Variants in TGFBRAP1 observed in about 807,000 individuals in gnomAD.
TGFBRAP1 encodes the protein transforming growth factor-beta receptor-associated protein 1.
In TGFBRAP1, 20 loss-of-function variants were observed where a neutral mutation model predicts 83.2. The ratio of observed to expected loss-of-function variants is 0.24; its 90% CI spans 0.17 to 0.35. TGFBRAP1 has a LOEUF of 0.35. Among genes scored for constraint, TGFBRAP1 ranks in the 10% least tolerant of loss-of-function variants. The pLI, the probability that TGFBRAP1 is intolerant of heterozygous loss-of-function variation, is 1.00. For missense variants in TGFBRAP1, 950 were observed against 1,099.4 expected (o/e 0.86, Z 1.92); for synonymous variants, 415 against 459.8 (o/e 0.90, Z 1.25).
Position 105,284,455 on chromosome 2 carries a change from T to C in TGFBRAP1, c.1039-57A>G, listed in dbSNP as rs1573177064. 28 of 1,541,642 alleles carry C rather than the reference T, an allele frequency of 1.8e-5. No individual in the cohort carries two copies. In the South Asian group the frequency reaches 3.1e-4, roughly 17 times the overall value. ...GAATCTTGAAACCATCACGGCAGGG[T>C]TAAATTTGTCTAACCCTAGATAAGT... On this transcript the variant is annotated intron_variant, in intron 4 of 11. Coordinates refer to ENST00000393359, the MANE Select transcript of TGFBRAP1 (RefSeq NM_004257.6).
chr2:105,317,044 G>C (rs920682014), intron 1 of TGFBRAP1, among the ~76,000 whole-genome samples: 3 of 150,658 alleles, frequency 2.0e-5, no homozygotes, highest in African/African-American at 7.5e-5. Context: ...TACATGTGGG[G>C]CATATACCGT....
chr2:105,256,526 G>A, the TGFBRAP1 span, among the ~76,000 whole-genome samples: 12 of 152,266 alleles, frequency 7.9e-5, no homozygotes, highest in African/African-American at 2.2e-4. Context: ...CAATGTAAAC[G>A]TCTAAAGAGA....
At chr2:105,316,462 T>TGTGTGTGTGTGTGTGTGCGCGCGCGCGC (rs1177329674) in intron 1 of TGFBRAP1, among the ~76,000 whole-genome samples, 1 of 84,816 alleles carries the variant, frequency 1.2e-5, no homozygotes, top group African/African-American at 5.4e-5. Context: ...TGTGTGTGTG[T>TGTGTGTGTGTGTGTGTGCGCGCGCGCGC]GCGCGCGCGC....
intron 1 of TGFBRAP1, chr2:105,327,105 C>T (rs1487068690): frequency 6.6e-6 from 1 of 152,146 alleles, no homozygotes; most frequent in Non-Finnish European, 1.5e-5. Flanking sequence ...CTAATGAGGG[C>T]TGGATTCAGA....
intron 4 of TGFBRAP1, 138 bp from the exon 5 acceptor site, chr2:105,284,536 A>G (rs1677649570): frequency 5.8e-6 from 4 of 688,304 alleles, no homozygotes; most frequent in Non-Finnish European, 7.5e-6. Context: ...CAAGGTGCAT[A>G]TGAAATTATA....
At chr2:105,256,484 T>C in the TGFBRAP1 span, among the ~76,000 whole-genome samples, 1 of 152,220 alleles carries the variant, frequency 6.6e-6, no homozygotes, top group Admixed American at 6.5e-5. Flanking sequence ...CCCACTCTGT[T>C]GTAACTGTCC....
intron 1 of TGFBRAP1, among the ~76,000 whole-genome samples, chr2:105,309,295 A>G (rs563384841): frequency 6.6e-6 from 1 of 152,348 alleles, no homozygotes; most frequent in East Asian, 1.9e-4. Flanking sequence ...ACTGCAGAGA[A>G]TGACGGGAGC....
rs1051230951 is a variant in TGFBRAP1 at position 105,267,050 on chromosome 2, G to A, written c.*333C>T. ...GGTGGGGGATCCCCCACCTGGGTCT[G>A]GACTGCATGAGGAAGACTCCCTTTT... On this transcript the variant is annotated 3_prime_UTR_variant, in exon 12 of 12. Transcript: ENST00000393359. 1 of 232,340 alleles carries A rather than the reference G, an allele frequency of 4.3e-6. No individual in the cohort carries two copies. Among genetic ancestry groups the A allele is most frequent in the Admixed American group, 5.0e-5 (1 of 19,892 alleles). The allele number at this position is 232,340 out of a possible 1,614,324, so 14.4% of individuals were successfully genotyped here. A position where few individuals can be genotyped will look rare whatever the true frequency, so the allele number is the denominator to read the frequency against.
rs528818563 is a variant in TGFBRAP1, at chr2:105,277,423, G to C, written c.1521+191C>G. Among the ~76,000 whole-genome samples the C allele has an allele frequency of 1.5e-3, 232 of 152,298 alleles. 1 individual carries two copies. The highest frequency in any genetic ancestry group is 3.4e-3 in the Middle Eastern group (1 of 292). ...TTCTTTAAGGAGATGGAAAGACAAT[G>C]AGAAGAAAACTCTTGGCCAACATTT... On this transcript the variant is annotated intron_variant, in intron 7 of 11. Transcript: ENST00000393359.
intron 1 of TGFBRAP1, among the ~76,000 whole-genome samples, chr2:105,313,114 A>G (rs772854937): frequency 2.6e-5 from 4 of 151,306 alleles, no homozygotes; most frequent in Non-Finnish European, 4.4e-5. Context: ...CTCTGTCTCA[A>G]AAAAAAAAGA....
At chr2:105,284,931 C>T (rs1004122589) in intron 4 of TGFBRAP1, among the ~76,000 whole-genome samples, 1 of 152,206 alleles carries the variant, frequency 6.6e-6, no homozygotes, top group African/African-American at 2.4e-5. Context: ...AATAAAGGGG[C>T]CAGTTTATCT....
At chr2:105,319,170 C>T (rs189672395) in intron 1 of TGFBRAP1, among the ~76,000 whole-genome samples, 47 of 152,122 alleles carry the variant, frequency 3.1e-4, no homozygotes, top group Non-Finnish European at 6.0e-4. Context: ...AAGCGATTCT[C>T]GTGCCTCAGC....
At chr2:105,329,569 C>T (rs1190619061) in intron 1 of TGFBRAP1, 56 bp downstream of exon 1, 2 of 149,222 alleles carry the variant, frequency 1.3e-5, no homozygotes, top group African/African-American at 4.9e-5. Flanking sequence ...CCTCCTGCCC[C>T]ACGCGCCCCG....
chr2:105,319,046 G>A (rs1260545441), intron 1 of TGFBRAP1, among the ~76,000 whole-genome samples: 7 of 151,978 alleles, frequency 4.6e-5, no homozygotes, highest in East Asian at 1.9e-4. Context: ...AAGAATAAAC[G>A]TGGAATGAGA....
intron 1 of TGFBRAP1, among the ~76,000 whole-genome samples, chr2:105,317,540 G>GA (rs1244808985): frequency 2.0e-5 from 3 of 151,892 alleles, no homozygotes; most frequent in Non-Finnish European, 4.4e-5. Context: ...TGAAACACTG[G>GA]AAAAAAAGCA....
Position 105,298,621 on chromosome 2 carries a change from G to A in TGFBRAP1, c.773C>T (p.Pro258Leu), listed in dbSNP as rs1020232911. ...ENVIGAAVSF[P>L]YVIALDDEFI... ...TTCGTCATCGAGCGCTATGACGTAT[G>A]GAAAGGACACAGCCGCCCCAATCAC... The change falls in exon 3 of 12, where the codon CCA (proline) becomes CTA (leucine). Residue 258 changes from proline (P) to leucine (L), a missense_variant. By Grantham distance (98) the Pro-to-Leu change is moderately conservative. Coordinates refer to ENST00000393359, the MANE Select transcript of TGFBRAP1 (RefSeq NM_004257.6). 6.2e-7 allele frequency: 1 copy of A among 1,614,094 alleles called. No individual in the cohort carries two copies. Among genetic ancestry groups the A allele is most frequent in the Non-Finnish European group, 8.5e-7 (1 of 1,179,988 alleles).
chr2:105,258,730 T>TACACACAC, the TGFBRAP1 span, among the ~76,000 whole-genome samples: 637 of 140,602 alleles, frequency 4.5e-3, 7 homozygotes, highest in East Asian at 0.024. Context: ...TCCCCACCCC[T>TACACACAC]ACACACACAC....
intron 2 of TGFBRAP1, among the ~76,000 whole-genome samples, chr2:105,304,102 G>A (rs1678403845): frequency 6.6e-6 from 1 of 152,160 alleles, no homozygotes; most frequent in Admixed American, 6.5e-5. Context: ...GCTAATAGGG[G>A]AAATATGACA....
chr2:105,260,689 A>G (rs905678581), downstream of TGFBRAP1, among the ~76,000 whole-genome samples: 1 of 150,596 alleles, frequency 6.6e-6, no homozygotes, highest in African/African-American at 2.5e-5. Flanking sequence ...TTGCATAACA[A>G]TGTAAATGTA....
Sources: allele counts gnomAD v4.1 joint callset (sites outside exome capture counted in the v4.1 genomes callset), GRCh38; gene constraint gnomAD v4.1.1; transcripts MANE v1.5; gene names NCBI Gene and HGNC (gene_info 2026-07-23, HGNC 2026-07-21).